The following NUMB variants were observed in gnomAD, a reference collection of about 807,000 sequenced individuals.
The protein encoded by NUMB is NUMB endocytic adaptor protein.
Under a neutral mutation model 59.7 loss-of-function variants are expected in NUMB, and 29 were observed. The observed-to-expected ratio is 0.49, with a 90% CI of 0.36 to 0.66. NUMB has a LOEUF of 0.66. Among genes scored for constraint, NUMB ranks in the 30% least tolerant of loss-of-function variants. The pLI is 0.00. For synonymous variants in NUMB, 288 were observed against 288.2 expected (o/e 1.00, Z 0.01); for missense variants, 723 against 822.0 (o/e 0.88, Z 1.47).
At chr14:73,338,984 T>C (rs920834382) in intron 4 of NUMB, among the ~76,000 whole-genome samples, 2 of 152,208 alleles carry the variant, frequency 1.3e-5, no homozygotes, top group African/African-American at 4.8e-5. Context: ...GAAAATAACA[T>C]CACCATTTAC....
chr14:73,316,833 T>G (rs74061102), intron 5 of NUMB, among the ~76,000 whole-genome samples: 9,829 of 152,270 alleles, frequency 0.065, 785 homozygotes, highest in African/African-American at 0.18. Flanking sequence ...CCATATACAT[T>G]TTTTAAGTTT....
intron 1 of NUMB, among the ~76,000 whole-genome samples, chr14:73,422,458 A>G (rs910155662): frequency 6.6e-6 from 1 of 152,182 alleles, no homozygotes; most frequent in Non-Finnish European, 1.5e-5. Context: ...AAGCCTAACC[A>G]ATTTCTAACT....
At chr14:73,402,500 T>C (rs915659397) in intron 2 of NUMB, among the ~76,000 whole-genome samples, 1 of 152,158 alleles carries the variant, frequency 6.6e-6, no homozygotes, top group African/African-American at 2.4e-5. Flanking sequence ...CACACAACTA[T>C]GTAGTGTAAC....
intron 1 of NUMB, chr14:73,457,824 C>T (rs1884506009): frequency 2.6e-5 from 4 of 152,632 alleles, no homozygotes; most frequent in Admixed American, 2.6e-4. Flanking sequence ...CTCCTCATCT[C>T]TCCAGGAGCC....
chr14:73,357,923 T>C (rs1893894366), intron 3 of NUMB, among the ~76,000 whole-genome samples: 1 of 145,732 alleles, frequency 6.9e-6, no homozygotes, highest in Admixed American at 6.8e-5. Flanking sequence ...AAAAACAAAC[T>C]AAAAAAACCC....
At chr14:73,458,041 G>A (rs1185132939) in intron 1 of NUMB, 1 of 141,514 alleles carries the variant, frequency 7.1e-6, no homozygotes, top group African/African-American at 2.7e-5. Context: ...CGGGCTTCCC[G>A]GATTCCTTTT....
In NUMB at chr14:73,277,156, C is replaced by T. The variant is rs777614148; in HGVS notation, c.1378G>A (p.Ala460Thr). ...TGGAGAACTGGCTGCAGAGGAGCAG[C>T]TGAGGCCTGGGGCTGCTGAGCCCGG... ...SVRAQQPQASAAPLQPVLQPP... is the reference protein window; with the variant it reads ...SVRAQQPQASTAPLQPVLQPP... The change falls in exon 13 of 13, where the codon GCT becomes ACT. Residue 460 changes from alanine to threonine, a missense_variant. Ala to Thr is a moderately conservative substitution (Grantham distance 58). Coordinates refer to ENST00000555238, the MANE Select transcript of NUMB (RefSeq NM_001005743.2). 1 of 1,613,970 alleles carries T rather than the reference C, an allele frequency of 6.2e-7. No homozygotes were observed. The highest frequency in any genetic ancestry group is 1.1e-5 in the South Asian group (1 of 91,076).
chr14:73,311,960 C>A (rs1355448010), intron 6 of NUMB, among the ~76,000 whole-genome samples: 2 of 152,274 alleles, frequency 1.3e-5, no homozygotes, highest in Non-Finnish European at 2.9e-5. Context: ...AAAAAATTAT[C>A]ATTTAAAAGC....
intron 2 of NUMB, among the ~76,000 whole-genome samples, chr14:73,382,681 T>G (rs1286197001): frequency 6.6e-6 from 1 of 152,180 alleles, no homozygotes; most frequent in African/African-American, 2.4e-5. Context: ...TACTTTTAAC[T>G]ACCATCAGAG....
At chr14:73,400,279 G>GGGAT (rs1315825340) in intron 2 of NUMB, among the ~76,000 whole-genome samples, 2 of 152,150 alleles carry the variant, frequency 1.3e-5, no homozygotes, top group African/African-American at 4.8e-5. Context: ...GTGAGAGGAA[G>GGGAT]GGATGGACAG....
intron 1 of NUMB, among the ~76,000 whole-genome samples, chr14:73,417,121 CT>C (rs1897160633): frequency 6.6e-6 from 1 of 151,974 alleles, no homozygotes; most frequent in Admixed American, 6.6e-5. Context: ...CCCTTTCCAG[CT>C]TCCCCATCAT....
At chr14:73,387,907 C>T (rs925247792) in intron 2 of NUMB, among the ~76,000 whole-genome samples, 3 of 149,246 alleles carry the variant, frequency 2.0e-5, no homozygotes, top group Non-Finnish European at 4.4e-5. Context: ...TCATTTGAGC[C>T]CAGGAGTTTG....
chr14:73,357,954 T>C (rs1893896301), intron 3 of NUMB, among the ~76,000 whole-genome samples: 1 of 151,468 alleles, frequency 6.6e-6, no homozygotes, highest in Non-Finnish European at 1.5e-5. Context: ...CCTTTCTTCT[T>C]CATTTCTTCG....
chr14:73,385,395 G>T (rs1895460232), intron 2 of NUMB, among the ~76,000 whole-genome samples: 1 of 142,154 alleles, frequency 7.0e-6, no homozygotes, highest in African/African-American at 2.6e-5. Flanking sequence ...TGATCCTCCT[G>T]CCTCCCAAAG....
rs1405294677 is a variant in NUMB at position 73,355,869 on chromosome 14, G to T, written c.-15-103C>A. ...CAAAAATCTGATGTCCAAAATTAAA[G>T]GTTTTGGGTTTTATTTAAGCAATAT... On this transcript the variant is annotated intron_variant, in intron 3 of 12. Coordinates refer to ENST00000555238, the MANE Select transcript of NUMB (RefSeq NM_001005743.2). The T allele has an allele frequency of 6.1e-6, 5 of 814,342 alleles. No individual in the cohort carries two copies. In the African/African-American group the frequency reaches 8.8e-5, roughly 14 times the overall value. 50.4% of individuals were successfully genotyped at this position (814,342 alleles called of 1,614,324 possible). A position where few individuals can be genotyped will look rare whatever the true frequency, so the allele number is the denominator to read the frequency against.
At chr14:73,427,490 G>C (rs1043662346) in intron 1 of NUMB, among the ~76,000 whole-genome samples, 1 of 151,806 alleles carries the variant, frequency 6.6e-6, no homozygotes, top group African/African-American at 2.4e-5. Flanking sequence ...AAACAAGAAA[G>C]AGACCAAGCC....
chr14:73,319,122 G>A (rs1396126930), intron 5 of NUMB, among the ~76,000 whole-genome samples: 1 of 152,140 alleles, frequency 6.6e-6, no homozygotes, highest in East Asian at 1.9e-4. Context: ...AATTAGCTGA[G>A]TGTGGTGGTG....
At chr14:73,418,509 C>G (rs1286610675) in intron 1 of NUMB, among the ~76,000 whole-genome samples, 1 of 152,052 alleles carries the variant, frequency 6.6e-6, no homozygotes, top group Non-Finnish European at 1.5e-5. Context: ...TGGTGGCTCA[C>G]ACCTGTAATC....
At position 73,324,912 on chromosome 14, in the gene NUMB, T is replaced by A. The variant is rs115963119; in HGVS notation, c.127-1708A>T. Among the ~76,000 whole-genome samples the A allele has an allele frequency of 2.6e-5, 4 of 152,234 alleles. No individual in the cohort carries two copies. In the South Asian group the frequency reaches 8.3e-4, roughly 32 times the overall value. On this transcript the variant is annotated intron_variant, in intron 4 of 12. Coordinates refer to ENST00000555238, the MANE Select transcript of NUMB (RefSeq NM_001005743.2). Reference sequence around the variant, plus strand: ...CAAGTCCTTTTAATTATCAGGCCAATAGAGACATTAAGATGAGACTGCAAT... The same window carrying A: ...CAAGTCCTTTTAATTATCAGGCCAAAAGAGACATTAAGATGAGACTGCAAT...
Sources: gnomAD v4.1 joint callset for allele counts (sites outside exome capture counted in the v4.1 genomes callset) on GRCh38, gnomAD v4.1.1 for gene constraint, MANE v1.5 for transcripts, NCBI Gene and HGNC (gene_info 2026-07-23, HGNC 2026-07-21) for gene names.